CYP4F3: variants seen among roughly 807,000 people sequenced by gnomAD.
The protein encoded by CYP4F3 is cytochrome P450 family 4 subfamily F member 3, also known as cytochrome P450 4F3.
A neutral mutation model predicts 54.8 loss-of-function variants in CYP4F3; 50 were observed. That is an observed-to-expected ratio of 0.91 (90% CI 0.73 to 1.16). The LOEUF (loss-of-function observed/expected upper bound fraction) is 1.16, where lower values mean the gene tolerates loss of function less well. Ranked by LOEUF, CYP4F3 falls within the 50% of genes most tolerant of loss-of-function variation. CYP4F3 has a pLI of 0.00. For missense variants in CYP4F3, 715 were observed against 676.2 expected (o/e 1.06, Z -0.64); for synonymous variants, 244 against 262.6 (o/e 0.93, Z 0.69).
At chr19:15,650,638 TCTCC>T (rs1033139736) in intron 7 of CYP4F3, among the ~76,000 whole-genome samples, 15 of 145,738 alleles carry the variant, frequency 1.0e-4, no homozygotes, top group Admixed American at 3.5e-4. Context: ...GCCTTTGTGC[TCTCC>T]CTCCCTCCCT....
Position 15,660,264 on chromosome 19 carries a change from G to C in CYP4F3, c.*879G>C, listed in dbSNP as rs924933612. 2 of 152,118 alleles carry C rather than the reference G, an allele frequency of 1.3e-5. No homozygotes were observed. Among genetic ancestry groups the C allele is most frequent in the African/African-American group, 4.8e-5 (2 of 41,424 alleles). 9.4% of individuals were successfully genotyped at this position (152,118 alleles called of 1,614,324 possible). A position where few individuals can be genotyped will look rare whatever the true frequency, so the allele number is the denominator to read the frequency against. ...TTTTCTGGCACTTTAATGGCTTGAGGTATCATTATCAGTTACAAATTGAGT... is the reference window on the plus strand; with the variant it reads ...TTTTCTGGCACTTTAATGGCTTGAGCTATCATTATCAGTTACAAATTGAGT... On this transcript the variant is annotated 3_prime_UTR_variant, in exon 13 of 13. Transcript: ENST00000221307.
At position 15,649,243 on chromosome 19, in the gene CYP4F3, G is replaced by A. The variant is rs1053037; in HGVS notation, c.609G>A (p.Leu203=). 261,518 of 1,613,128 alleles carry A rather than the reference G, an allele frequency of 0.16. 23,134 individuals carry two copies. Among genetic ancestry groups the A allele is most frequent in the Middle Eastern group, 0.21 (1,247 of 6,052 alleles). The change falls in exon 6 of 13, where the codon CTG becomes CTA. Residue 203 remains leucine (L), a synonymous_variant. Coordinates refer to ENST00000221307, the MANE Select transcript of CYP4F3 (RefSeq NM_000896.3). The part of the protein sequence containing the change: ...EHISLMTLDS[L]QKCVFSFDSH... ...TCAGCCTCATGACCTTGGACAGTCT[G>A]CAGAAATGTGTCTTCAGCTTTGACA...
At chr19:15,654,059 AC>A (rs1972948436) in intron 9 of CYP4F3, among the ~76,000 whole-genome samples, 2 of 150,260 alleles carry the variant, frequency 1.3e-5, no homozygotes, top group East Asian at 3.9e-4. Context: ...CGCAGTGGGG[AC>A]ATTCTGAGGC....
At chr19:15,653,002 G>A (rs1433077046) in intron 9 of CYP4F3, 50 bp downstream of exon 9, 10 of 1,552,308 alleles carry the variant, frequency 6.4e-6, no homozygotes, top group Non-Finnish European at 8.7e-6. Context: ...CATTGGCTCT[G>A]TTCCCCAGGT....
At position 15,647,141 on chromosome 19, in the gene CYP4F3, C is replaced by T. The variant is rs943126775; in HGVS notation, c.397+36C>T. 1.9e-6 allele frequency: 3 copies of T among 1,613,978 alleles called. No individual in the cohort carries two copies. In the African/African-American group the frequency reaches 4.0e-5, roughly 22 times the overall value. On this transcript the variant is annotated intron_variant, in intron 4 of 12. Transcript: ENST00000221307. ...GTAGGTGAACAGGGTTGGGAACAAC[C>T]TGGGGGGCCAGGGGAGGGAGATGCC...
At chr19:15,648,519 A>C (rs1464516400) in intron 5 of CYP4F3, among the ~76,000 whole-genome samples, 1 of 152,142 alleles carries the variant, frequency 6.6e-6, no homozygotes, top group African/African-American at 2.4e-5. Context: ...CATGCCCAGA[A>C]AGGGTGCTCA....
rs71176457 is a variant in CYP4F3, at chr19:15,656,469, TTATCTATCTATCTATCTATC to T, written c.1116-1759_1116-1740del. ...GGTGTTTCTAGAGCCATAGATTTGT[TTATCTATCTATCTATCTATC>T]TATCTATCTATCTATCTATCTATCT... is the stretch of plus-strand genomic sequence containing the variant. On this transcript the variant is annotated intron_variant, in intron 9 of 12. Transcript: ENST00000221307. Among the ~76,000 whole-genome samples the T allele has an allele frequency of 2.7e-4, 19 of 70,292 alleles. 1 individual carries two copies. The highest frequency in any genetic ancestry group is 2.1e-3 in the South Asian group (5 of 2,436). 46.1% of individuals were successfully genotyped at this position (70,292 alleles called of 152,430 possible).
Position 15,641,527 on chromosome 19 carries a change from A to T in CYP4F3, c.112A>T (p.Thr38Ser), listed in dbSNP as rs1435456885. The T allele has an allele frequency of 6.2e-7, 1 of 1,613,938 alleles. No individual in the cohort carries two copies. The stretch of plus-strand genomic sequence containing the variant: ...GCTCCTGGCCCGCATCCTGGCCTGG[A>T]CCTATACCTTCTATGACAACTGCTG... ...SWLLARILAW[T>S]YTFYDNCCRL... Residue 38 changes from threonine to serine, a missense_variant, in exon 2 of 13, where the codon ACC (threonine) becomes TCC (serine). Physicochemically the swap from Thr to Ser is moderately conservative, Grantham distance 58. Coordinates refer to ENST00000221307, the MANE Select transcript of CYP4F3 (RefSeq NM_000896.3).
At chr19:15,651,863 G>T (rs1293046679) in intron 7 of CYP4F3, among the ~76,000 whole-genome samples, 4 of 152,150 alleles carry the variant, frequency 2.6e-5, no homozygotes, top group Non-Finnish European at 4.4e-5. Flanking sequence ...TGTGACAGAG[G>T]CATTAAATCT....
rs1367556256 is a variant in CYP4F3 at position 15,660,681 on chromosome 19, T to A, written c.*1296T>A. 2 of 151,862 alleles carry A rather than the reference T, an allele frequency of 1.3e-5. No individual in the cohort carries two copies. Among genetic ancestry groups the A allele is most frequent in the Non-Finnish European group, 2.9e-5 (2 of 68,094 alleles). 9.4% of individuals were successfully genotyped at this position (151,862 alleles called of 1,614,324 possible). ...GCACATCAGATCACCTGGGGACCAC[T>A]CCAGAGTGAGTAGACAAGACTTTGA... On this transcript the variant is annotated 3_prime_UTR_variant, in exon 13 of 13. Transcript: ENST00000221307.
rs558419185 is a variant in CYP4F3, at chr19:15,660,059, T to C, written c.*674T>C. ...ACAGCTCATATATACTTTTTCCATC[T>C]GGATTCTTCACAAAAGAATATGTTG... On this transcript the variant is annotated 3_prime_UTR_variant, in exon 13 of 13. Transcript: ENST00000221307. 5.3e-5 allele frequency: 8 copies of C among 152,376 alleles called. No individual in the cohort carries two copies. The South Asian group carries it at 6.2e-4, about 12-fold the overall frequency. The allele number at this position is 152,376 out of a possible 1,614,324, so 9.4% of individuals were successfully genotyped here. A position where few individuals can be genotyped will look rare whatever the true frequency, so the allele number is the denominator to read the frequency against.
chr19:15,649,689 G>C (rs1395425540), intron 6 of CYP4F3, among the ~76,000 whole-genome samples: 1 of 152,114 alleles, frequency 6.6e-6, no homozygotes, highest in Admixed American at 6.5e-5. Flanking sequence ...CTATCCTCTG[G>C]GTGCCTAGCT....
intron 6 of CYP4F3, 146 bp downstream of exon 6, chr19:15,649,427 A>G (rs1972722702): frequency 7.2e-7 from 1 of 1,386,730 alleles, no homozygotes; most frequent in Non-Finnish European, 9.8e-7. Flanking sequence ...TATGAATTTT[A>G]TCTTGAGGTT....
chr19:15,660,055 C>A lies in CYP4F3; in HGVS notation c.*670C>A, dbSNP rs1973148174. The A allele has an allele frequency of 6.6e-6, 1 of 152,102 alleles. No individual in the cohort carries two copies. Among genetic ancestry groups the A allele is most frequent in the Admixed American group, 6.5e-5 (1 of 15,280 alleles). The allele number at this position is 152,102 out of a possible 1,614,324, so 9.4% of individuals were successfully genotyped here. A position where few individuals can be genotyped will look rare whatever the true frequency, so the allele number is the denominator to read the frequency against. On this transcript the variant is annotated 3_prime_UTR_variant, in exon 13 of 13. Transcript: ENST00000221307. ...TATTACAGCTCATATATACTTTTTC[C>A]ATCTGGATTCTTCACAAAAGAATAT... is the stretch of plus-strand genomic sequence containing the variant.
At chr19:15,649,823 T>C in intron 6 of CYP4F3, 90 bp from the exon 7 acceptor site, 1 of 1,551,378 alleles carries the variant, frequency 6.4e-7, no homozygotes, top group East Asian at 2.3e-5. Context: ...CGTTTACTGA[T>C]AGGAGGTAGC....
Position 15,659,646 on chromosome 19 carries a change from A to G in CYP4F3, c.*261A>G. The G allele has an allele frequency of 1.8e-6, 1 of 554,298 alleles. No individual in the cohort carries two copies. The highest frequency in any genetic ancestry group is 3.6e-5 in the Admixed American group (1 of 27,822). The allele number at this position is 554,298 out of a possible 1,614,324, so 34.3% of individuals were successfully genotyped here. On this transcript the variant is annotated 3_prime_UTR_variant, in exon 13 of 13. Coordinates refer to ENST00000221307, the MANE Select transcript of CYP4F3 (RefSeq NM_000896.3). ...AGGATAAACAAAATATGGTCCATCCATACAATGGAGTATTACACAGCCATA... is the reference window on the plus strand; with the variant it reads ...AGGATAAACAAAATATGGTCCATCCGTACAATGGAGTATTACACAGCCATA...
chr19:15,645,900 A>C lies in CYP4F3; in HGVS notation c.343+37A>C, dbSNP rs769371284. The C allele has an allele frequency of 8.3e-6, 13 of 1,557,508 alleles. No homozygotes were observed. The African/African-American group carries it at 9.5e-5, about 11-fold the overall frequency. ...ACTGGCCACTCCAGGTAGACACTGC[A>C]CTGGCCACGCCTTGCCCACAGCTGG... is the stretch of plus-strand genomic sequence containing the variant. On this transcript the variant is annotated intron_variant, in intron 3 of 12. Transcript: ENST00000221307.
intron 5 of CYP4F3, among the ~76,000 whole-genome samples, chr19:15,648,402 C>T (rs1355657991): frequency 6.6e-6 from 1 of 151,736 alleles, no homozygotes; most frequent in African/African-American, 2.4e-5. Context: ...TTATAGCAAG[C>T]AGAAGCAGCA....
chr19:15,650,088 C>A lies in CYP4F3; in HGVS notation c.823C>A (p.Arg275Ser), dbSNP rs374257337. Residue 275 changes from arginine to serine, a missense_variant, in exon 7 of 13, where the codon CGC becomes AGC. Coordinates refer to ENST00000221307, the MANE Select transcript of CYP4F3 (RefSeq NM_000896.3). ...DFTDAVIQER[R>S]RTLPSQGVDD... Reference sequence around the variant, plus strand: ...CACAGATGCCGTCATCCAGGAGCGGCGCCGCACCCTCCCTAGCCAGGGTGT... The same window carrying A: ...CACAGATGCCGTCATCCAGGAGCGGAGCCGCACCCTCCCTAGCCAGGGTGT... The A allele has an allele frequency of 6.2e-7, 1 of 1,614,190 alleles. No individual in the cohort carries two copies. The highest frequency in any genetic ancestry group is 1.1e-5 in the South Asian group (1 of 91,084).
Sources: gnomAD v4.1 joint callset for allele counts (sites outside exome capture counted in the v4.1 genomes callset) on GRCh38, gnomAD v4.1.1 for gene constraint, MANE v1.5 for transcripts, NCBI Gene and HGNC (gene_info 2026-07-23, HGNC 2026-07-21) for gene names.